The following CDH19 variants were observed in gnomAD, a reference collection of about 807,000 sequenced individuals.
CDH19 encodes the protein cadherin-19.
In CDH19, 67 loss-of-function variants were observed where a neutral mutation model predicts 64.2. The ratio of observed to expected loss-of-function variants is 1.04; its 90% CI spans 0.86 to 1.28. The LOEUF (loss-of-function observed/expected upper bound fraction) is 1.28, where lower values mean the gene tolerates loss of function less well. Among genes scored for constraint, CDH19 ranks in the 50% most tolerant of loss-of-function variants. The pLI, the probability that CDH19 is intolerant of heterozygous loss-of-function variation, is 0.00. For missense variants in CDH19, 1,030 were observed against 929.0 expected (o/e 1.11, Z -1.41); for synonymous variants, 346 against 319.3 (o/e 1.08, Z -0.89).
At position 66,544,890 on chromosome 18, in the gene CDH19, CA is replaced by C; in HGVS notation, c.788del (p.Leu263Ter). 1 of 1,607,088 alleles carries C rather than the reference CA, an allele frequency of 6.2e-7. No individual in the cohort carries two copies. Among genetic ancestry groups the C allele is most frequent in the Non-Finnish European group, 8.5e-7 (1 of 1,177,394 alleles). On this transcript the variant is annotated frameshift_variant, in exon 6 of 12. Coordinates refer to ENST00000262150, the MANE Select transcript of CDH19 (RefSeq NM_021153.4). LOFTEE classifies it high-confidence loss of function. ...KPIFKESLYRLTVSESAPTGT... is the reference protein window; with the variant it reads ...KPIFKESLYRXTVSESAPTGT... ...CAGTGGGTGCAGATTCAGAGACAGT[CA>C]AGCGGTATAAACCTTTAAAAACAAA...
chr18:66,556,122 C>A (rs1316993290), intron 3 of CDH19, among the ~76,000 whole-genome samples: 1 of 151,326 alleles, frequency 6.6e-6, no homozygotes, highest in African/African-American at 2.4e-5. Context: ...TTTTTCCAGT[C>A]CAGTTTTTTT....
At chr18:66,542,758 G>A (rs1050209094) in intron 7 of CDH19, among the ~76,000 whole-genome samples, 1 of 152,002 alleles carries the variant, frequency 6.6e-6, no homozygotes, top group Admixed American at 6.6e-5. Context: ...TCATATCCAC[G>A]GCAGCATTAG....
intron 1 of CDH19, among the ~76,000 whole-genome samples, chr18:66,579,865 AAC>A: frequency 6.6e-6 from 1 of 152,136 alleles, no homozygotes; most frequent in East Asian, 1.9e-4. Context: ...GTTATATAAA[AAC>A]ACGCCCTATT....
intron 1 of CDH19, chr18:66,596,409 A>G (rs1988889525): frequency 6.6e-6 from 1 of 152,146 alleles, no homozygotes; most frequent in Admixed American, 6.5e-5. Context: ...ATACCTAGAA[A>G]AGTCTGCCCA....
intron 1 of CDH19, among the ~76,000 whole-genome samples, chr18:66,585,832 G>A (rs1988561491): frequency 6.6e-6 from 1 of 151,900 alleles, no homozygotes; most frequent in African/African-American, 2.4e-5. Flanking sequence ...GCATGGTTAA[G>A]TGACTATGAC....
Position 66,509,200 on chromosome 18 carries a change from T to C in CDH19, c.1623A>G (p.Gln541=). 3 of 1,612,594 alleles carry C rather than the reference T, an allele frequency of 1.9e-6. No homozygotes were observed. Among genetic ancestry groups the C allele is most frequent in the Non-Finnish European group, 2.5e-6 (3 of 1,179,078 alleles). The change falls in exon 11 of 12, where the codon CAA becomes CAG. Residue 541 remains glutamine, a synonymous_variant. Coordinates refer to ENST00000262150, the MANE Select transcript of CDH19 (RefSeq NM_021153.4). The part of the protein sequence containing the change: ...ILTNRTGFNL[Q]EEPVFYISIL... ...TGGAGATGTAGAAGACAGGTTCTTC[T>C]TGAAGGTTAAAACCAGTTCTATTAG...
chr18:66,557,831 T>C (rs1427438212), intron 3 of CDH19, among the ~76,000 whole-genome samples: 1 of 151,704 alleles, frequency 6.6e-6, no homozygotes, highest in Non-Finnish European at 1.5e-5. Context: ...TACACACATA[T>C]ATTTTCAGTA....
At chr18:66,549,812 C>G (rs926087379) in intron 5 of CDH19, among the ~76,000 whole-genome samples, 22 of 152,010 alleles carry the variant, frequency 1.4e-4, no homozygotes, top group African/African-American at 4.8e-4. Context: ...AACAGATATT[C>G]TCAAGTCTGT....
At chr18:66,576,033 C>A in intron 1 of CDH19, among the ~76,000 whole-genome samples, 1 of 150,684 alleles carries the variant, frequency 6.6e-6, no homozygotes, top group African/African-American at 2.4e-5. Context: ...AAACCTAAAG[C>A]AACTACTAAA....
At chr18:66,523,464 AGGTTGCCTGGGT>A (rs1986080092) in intron 9 of CDH19, among the ~76,000 whole-genome samples, 1 of 152,118 alleles carries the variant, frequency 6.6e-6, no homozygotes, top group Non-Finnish European at 1.5e-5. Context: ...AGATGTTCAC[AGGTTGCCTGGGT>A]TCACATTCTA....
In CDH19 at chr18:66,590,090, G is replaced by T. The variant is rs572706409; in HGVS notation, c.-113+13864C>A. On this transcript the variant is annotated intron_variant, in intron 1 of 11. Transcript: ENST00000262150. Reference sequence around the variant, plus strand: ...GGTTAGTTTGATCCCTCAATTTCAGGGAAATTGTTTCTACAGAAACACAGA... The same window carrying T: ...GGTTAGTTTGATCCCTCAATTTCAGTGAAATTGTTTCTACAGAAACACAGA... Among the ~76,000 whole-genome samples, 5 of 151,854 alleles carry T rather than the reference G, an allele frequency of 3.3e-5. No homozygotes were observed. In the South Asian group the frequency reaches 1.0e-3, roughly 32 times the overall value.
At chr18:66,515,005 G>C (rs1985671274) in intron 9 of CDH19, among the ~76,000 whole-genome samples, 1 of 151,456 alleles carries the variant, frequency 6.6e-6, no homozygotes, top group Non-Finnish European at 1.5e-5. Context: ...TTGTTGAATA[G>C]GATTATAAAC....
At chr18:66,597,328 G>A (rs1326540889) in intron 1 of CDH19, among the ~76,000 whole-genome samples, 3 of 151,836 alleles carry the variant, frequency 2.0e-5, no homozygotes, top group African/African-American at 4.8e-5. Context: ...TCTGATCTTC[G>A]ATGAAGCCAT....
At position 66,547,372 on chromosome 18, in the gene CDH19, T is replaced by G. The variant is rs572436970; in HGVS notation, c.776-2469A>C. Among the ~76,000 whole-genome samples the G allele has an allele frequency of 2.0e-5, 3 of 152,186 alleles. No individual in the cohort carries two copies. The South Asian group carries it at 6.2e-4, about 32-fold the overall frequency. On this transcript the variant is annotated intron_variant, in intron 5 of 11. Coordinates refer to ENST00000262150, the MANE Select transcript of CDH19 (RefSeq NM_021153.4). ...TGTATATGTGTGTGTTTTGTGTATG[T>G]GCATTTGCTCCAAGAATATTGAAAG...
At chr18:66,534,513 C>G (rs1380249981) in intron 8 of CDH19, among the ~76,000 whole-genome samples, 1 of 151,920 alleles carries the variant, frequency 6.6e-6, no homozygotes. Context: ...AATTTTAATA[C>G]TTTACAATTC....
At chr18:66,535,950 A>C (rs187955397) in intron 7 of CDH19, among the ~76,000 whole-genome samples, 6 of 139,760 alleles carry the variant, frequency 4.3e-5, no homozygotes, top group African/African-American at 1.5e-4. Context: ...CACACATATA[A>C]AACAAAAGTA....
chr18:66,544,670 GT>G, intron 6 of CDH19, 48 bp downstream of exon 6: 3 of 1,255,562 alleles, frequency 2.4e-6, no homozygotes, highest in Non-Finnish European at 3.3e-6. Flanking sequence ...AATATGTTAT[GT>G]TTTAATTTTG....
chr18:66,588,639 G>GAT (rs1988652052), intron 1 of CDH19, among the ~76,000 whole-genome samples: 1 of 113,554 alleles, frequency 8.8e-6, no homozygotes, highest in Non-Finnish European at 2.1e-5. Flanking sequence ...TATATATATA[G>GAT]ATACAGCTCA....
chr18:66,552,437 C>T (rs1399213048), intron 4 of CDH19, among the ~76,000 whole-genome samples: 3 of 151,920 alleles, frequency 2.0e-5, no homozygotes, highest in Non-Finnish European at 2.9e-5. Context: ...TAGACCATAA[C>T]ATGAGGGGAT....
Sources: gnomAD v4.1 joint callset for allele counts (sites outside exome capture counted in the v4.1 genomes callset) on GRCh38, gnomAD v4.1.1 for gene constraint, MANE v1.5 for transcripts, NCBI Gene and HGNC (gene_info 2026-07-23, HGNC 2026-07-21) for gene names.